The following KLHL4 variants were observed in gnomAD, a reference collection of about 807,000 sequenced individuals.
KLHL4 encodes the protein kelch like family member 4, also known as kelch-like protein 4.
Under a neutral mutation model 45.8 loss-of-function variants are expected in KLHL4, and 17 were observed. The observed-to-expected ratio is 0.37, with a 90% CI of 0.25 to 0.56. The LOEUF (loss-of-function observed/expected upper bound fraction) is 0.56. Among genes scored for constraint, KLHL4 ranks in the 20% least tolerant of loss-of-function variants. The pLI is 0.79. For synonymous variants in KLHL4, 224 were observed against 189.9 expected (o/e 1.18, Z -1.47); for missense variants, 544 against 544.9 (o/e 1.00, Z 0.02).
intron 1 of KLHL4, among the ~76,000 whole-genome samples, chrX:87,520,819 T>C (rs1287842484): frequency 1.8e-5 from 2 of 112,050 alleles, no homozygotes; most frequent in African/African-American, 3.2e-5. Flanking sequence ...TATTTTAACA[T>C]TGTATTATGA....
intron 9 of KLHL4, among the ~76,000 whole-genome samples, chrX:87,639,811 A>G (rs1923390442): frequency 9.0e-6 from 1 of 110,793 alleles, no homozygotes; most frequent in Non-Finnish European, 1.9e-5. Context: ...TAGAGAAAAA[A>G]CAACAAACAA....
intron 1 of KLHL4, among the ~76,000 whole-genome samples, chrX:87,576,208 C>T (rs1368225964): frequency 9.0e-6 from 1 of 111,237 alleles, no homozygotes; most frequent in Non-Finnish European, 1.9e-5. Flanking sequence ...ACTCTTTACC[C>T]TTGATAGCCA....
At chrX:87,580,717 TATAAA>T (rs1921247759) in intron 1 of KLHL4, among the ~76,000 whole-genome samples, 1 of 112,164 alleles carries the variant, frequency 8.9e-6, no homozygotes, top group Non-Finnish European at 1.9e-5. Flanking sequence ...CATCTACATA[TATAAA>T]ATAAACATTA....
intron 1 of KLHL4, among the ~76,000 whole-genome samples, chrX:87,604,477 G>A (rs953508862): frequency 2.7e-5 from 3 of 109,489 alleles, no homozygotes; most frequent in African/African-American, 1.0e-4. Flanking sequence ...CAGCTGGCGT[G>A]AGATAGTATC....
Position 87,518,135 on chromosome X carries a change from C to G in KLHL4, c.242C>G (p.Ala81Gly). The G allele has an allele frequency of 8.3e-7, 1 of 1,211,803 alleles. No individual in the cohort carries two copies. Among genetic ancestry groups the G allele is most frequent in the Non-Finnish European group, 1.1e-6 (1 of 895,462 alleles). ...HNILAPVPGP[A>G]PAHQRAVQNL... ...ATACTGGCACCAGTGCCAGGACCGGCCCCTGCCCATCAGAGAGCCGTTCAG... is the reference window on the plus strand; with the variant it reads ...ATACTGGCACCAGTGCCAGGACCGGGCCCTGCCCATCAGAGAGCCGTTCAG... The change falls in exon 1 of 11, where the codon GCC becomes GGC. Residue 81 changes from alanine (A) to glycine (G), a missense_variant. Physicochemically the swap from Ala to Gly is moderately conservative, Grantham distance 60. Transcript: ENST00000373119.
intron 1 of KLHL4, among the ~76,000 whole-genome samples, chrX:87,572,789 T>TATA (rs752283366): frequency 3.2e-5 from 2 of 61,944 alleles, no homozygotes; most frequent in Non-Finnish European, 6.3e-5. Context: ...AAACTTAAAG[T>TATA]ATAATAAAAA....
Position 87,668,587 on chromosome X carries a change from G to T in KLHL4, c.*2053G>T, listed in dbSNP as rs1215916687. On this transcript the variant is annotated 3_prime_UTR_variant, in exon 11 of 11. Coordinates refer to ENST00000373119, the MANE Select transcript of KLHL4 (RefSeq NM_019117.5). ...ACTCCTAATGTAGCAGTACTGAGAG[G>T]CAGGGCCCTTAAGAGGTGATTGGGC... 4.3e-6 allele frequency: 2 copies of T among 468,577 alleles called. No homozygotes were observed. The highest frequency in any genetic ancestry group is 5.3e-6 in the Non-Finnish European group (2 of 378,636). The allele number at this position is 468,577 out of a possible 1,213,427, so 38.6% of individuals were successfully genotyped here.
rs552640870 is a variant in KLHL4 at position 87,667,706 on chromosome X, T to G, written c.*1172T>G. ...TAATTATACAACTAAGATGAAATAT[T>G]GAAAAACCCTTTGTGAAAGTAACTT... On this transcript the variant is annotated 3_prime_UTR_variant, in exon 11 of 11. Coordinates refer to ENST00000373119, the MANE Select transcript of KLHL4 (RefSeq NM_019117.5). 7.5e-5 allele frequency: 50 copies of G among 662,830 alleles called. No individual in the cohort carries two copies. In the South Asian group the frequency reaches 2.6e-3, roughly 34 times the overall value. 54.6% of individuals were successfully genotyped at this position (662,830 alleles called of 1,213,427 possible). A position where few individuals can be genotyped will look rare whatever the true frequency, so the allele number is the denominator to read the frequency against.
At chrX:87,545,321 G>A (rs781223353) in intron 1 of KLHL4, among the ~76,000 whole-genome samples, 1 of 111,706 alleles carries the variant, frequency 9.0e-6, no homozygotes, top group East Asian at 2.9e-4. Flanking sequence ...AAGTGTTGAA[G>A]GAGGGGCCTG....
Position 87,613,959 on chromosome X carries a change from C to G in KLHL4, c.505C>G (p.Leu169Val), listed in dbSNP as rs1922468881. 1 of 1,206,067 alleles carries G rather than the reference C, an allele frequency of 8.3e-7. No homozygotes were observed. The highest frequency in any genetic ancestry group is 3.0e-5 in the East Asian group (1 of 33,645). Residue 169 changes from leucine to valine, a missense_variant, in exon 2 of 11, where the codon CTT (leucine) becomes GTT (valine). By Grantham distance (32) the Leu-to-Val change is conservative (BLOSUM62 1). Coordinates refer to ENST00000373119, the MANE Select transcript of KLHL4 (RefSeq NM_019117.5). ...FHVINHAEQT[L>V]RKMENYLKEK... The stretch of plus-strand genomic sequence containing the variant: ...TGTTATAAACCACGCAGAGCAAACT[C>G]TTCGTAAAATGGAGAACTACTTGAA...
intron 1 of KLHL4, among the ~76,000 whole-genome samples, chrX:87,600,925 A>T (rs1021021323): frequency 1.8e-5 from 2 of 112,013 alleles, no homozygotes; most frequent in Non-Finnish European, 3.8e-5. Context: ...AGATAGGAGA[A>T]ACAAGTTATA....
intron 1 of KLHL4, among the ~76,000 whole-genome samples, chrX:87,594,342 A>G (rs975032696): frequency 5.4e-5 from 6 of 111,735 alleles, no homozygotes; most frequent in Non-Finnish European, 9.4e-5. Flanking sequence ...TTGACATTCA[A>G]TGGCCTCAGA....
At chrX:87,575,067 G>T (rs1404918149) in intron 1 of KLHL4, among the ~76,000 whole-genome samples, 2 of 112,046 alleles carry the variant, frequency 1.8e-5, no homozygotes, top group African/African-American at 6.5e-5. Flanking sequence ...CAGATCAGTT[G>T]ATCACAATTA....
intron 1 of KLHL4, among the ~76,000 whole-genome samples, chrX:87,556,350 T>G (rs751383944): frequency 0.048 from 5,323 of 109,828 alleles, 119 homozygotes; most frequent in Middle Eastern, 0.13. Flanking sequence ...CCATAAAAAA[T>G]GATGAGTTCA....
intron 1 of KLHL4, among the ~76,000 whole-genome samples, chrX:87,554,160 C>T (rs1222399163): frequency 2.8e-5 from 2 of 71,509 alleles, no homozygotes; most frequent in South Asian, 8.6e-4. Flanking sequence ...GTGATGCCTC[C>T]AGCTTTGTTC....
chrX:87,584,994 T>C, intron 1 of KLHL4, among the ~76,000 whole-genome samples: 1 of 109,835 alleles, frequency 9.1e-6, no homozygotes, highest in Non-Finnish European at 1.9e-5. Flanking sequence ...AAGAAACAAG[T>C]AACATTAAAT....
At chrX:87,641,552 G>A (rs952186582) in intron 9 of KLHL4, among the ~76,000 whole-genome samples, 1 of 111,484 alleles carries the variant, frequency 9.0e-6, no homozygotes, top group Non-Finnish European at 1.9e-5. Context: ...GCCAGAAATC[G>A]GGGGAGGGCA....
At chrX:87,589,534 T>A (rs780521987) in intron 1 of KLHL4, among the ~76,000 whole-genome samples, 1 of 111,923 alleles carries the variant, frequency 8.9e-6, no homozygotes, top group African/African-American at 3.2e-5. Flanking sequence ...GAGATCATTA[T>A]GTTAAGTGAA....
intron 3 of KLHL4, among the ~76,000 whole-genome samples, chrX:87,617,211 G>GTT (rs751538627): frequency 0.022 from 2,262 of 102,854 alleles, 25 homozygotes; most frequent in Non-Finnish European, 0.031. Context: ...AAAAGAGACT[G>GTT]TTTTTTTTTT....
Sources: allele counts gnomAD v4.1 joint callset (sites outside exome capture counted in the v4.1 genomes callset), GRCh38; gene constraint gnomAD v4.1.1; transcripts MANE v1.5; gene names NCBI Gene and HGNC (gene_info 2026-07-23, HGNC 2026-07-21).